NUDT21: variants seen among roughly 807,000 people sequenced by gnomAD.
NUDT21 encodes the protein cleavage and polyadenylation specificity factor subunit 5.
A neutral mutation model predicts 29.8 loss-of-function variants in NUDT21; 5 were observed. The observed-to-expected ratio is 0.17, with a 90% CI of 0.09 to 0.35. The LOEUF (loss-of-function observed/expected upper bound fraction) is 0.35. NUDT21 is among the 10% of genes least tolerant of loss of function. The pLI, the probability that NUDT21 is intolerant of heterozygous loss-of-function variation, is 1.00. For missense variants in NUDT21, 76 were observed against 276.0 expected, an observed-to-expected ratio of 0.28 and a Z score of 5.13; for synonymous variants, 113 against 98.5, an observed-to-expected ratio of 1.15 and a Z score of -0.87.
At chr16:56,442,069 CTAAT>C (rs1218871366) in intron 3 of NUDT21, among the ~76,000 whole-genome samples, 2 of 152,136 alleles carry the variant, frequency 1.3e-5, no homozygotes, top group Non-Finnish European at 1.5e-5. Context: ...CAGCACCAGG[CTAAT>C]TTTTCACCAT....
At chr16:56,450,188 G>A (rs866919034) in intron 1 of NUDT21, among the ~76,000 whole-genome samples, 2 of 152,180 alleles carry the variant, frequency 1.3e-5, no homozygotes, top group Non-Finnish European at 1.5e-5. Flanking sequence ...CTCCATCCTG[G>A]CATAAAATGG....
chr16:56,451,211 G>T lies in NUDT21; in HGVS notation c.-9C>A, dbSNP rs775209504. 1.3e-6 allele frequency: 2 copies of T among 1,583,920 alleles called. No individual in the cohort carries two copies. Among genetic ancestry groups the T allele is most frequent in the Admixed American group, 1.8e-5 (1 of 55,664 alleles). Reference sequence around the variant, plus strand: ...GGCGGTACCACAGACATGCTGGCGAGCTCCGGCGCTGACGGCGAGCAGAAA... The same window carrying T: ...GGCGGTACCACAGACATGCTGGCGATCTCCGGCGCTGACGGCGAGCAGAAA... On this transcript the variant is annotated 5_prime_UTR_variant, in exon 1 of 7. Coordinates refer to ENST00000300291, the MANE Select transcript of NUDT21 (RefSeq NM_007006.3).
At chr16:56,446,567 A>G in intron 3 of NUDT21, 59 bp downstream of exon 3, 1 of 961,728 alleles carries the variant, frequency 1.0e-6, no homozygotes, top group Non-Finnish European at 1.6e-6. Flanking sequence ...TTTACAAGAC[A>G]TTAAAAGCCA....
At chr16:56,442,814 A>T (rs1270385350) in intron 3 of NUDT21, among the ~76,000 whole-genome samples, 2 of 152,094 alleles carry the variant, frequency 1.3e-5, no homozygotes, top group African/African-American at 4.8e-5. Flanking sequence ...CCTACATTCT[A>T]TCTTTTTATC....
At chr16:56,438,865 GA>G (rs1297483757) in intron 4 of NUDT21, among the ~76,000 whole-genome samples, 1 of 151,662 alleles carries the variant, frequency 6.6e-6, no homozygotes, top group Non-Finnish European at 1.5e-5. Flanking sequence ...ATTATAAAAA[GA>G]AAATAGAAAT....
In NUDT21 at chr16:56,439,701, C is replaced by T. The variant is rs2143938348; in HGVS notation, c.427G>A (p.Asp143Asn). The stretch of plus-strand genomic sequence containing the variant: ...GGTCTCCACCAGTTACCAATGCAAT[C>T]GTCAATGACCCAGTCTTGCAAAACT... Reference protein sequence around the residue: ...DGVLQDWVIDDCIGNWWRPNF... With the variant: ...DGVLQDWVIDNCIGNWWRPNF... The change falls in exon 4 of 7, where the codon GAT becomes AAT. Residue 143 changes from aspartate (D) to asparagine (N), a missense_variant. This residue lies in a region of NUDT21 where 27 missense variants were observed against 149.5 expected (regional missense o/e 0.18). Transcript: ENST00000300291. 6.2e-7 allele frequency: 1 copy of T among 1,614,062 alleles called. No individual in the cohort carries two copies. Among genetic ancestry groups the T allele is most frequent in the Middle Eastern group, 1.6e-4 (1 of 6,062 alleles).
At chr16:56,434,994 A>G in intron 4 of NUDT21, 165 bp from the exon 5 acceptor site, 1 of 450,406 alleles carries the variant, frequency 2.2e-6, no homozygotes, top group Admixed American at 4.0e-5. Context: ...GCTTTAATGC[A>G]TATAAAATAA....
In NUDT21 at chr16:56,446,630, G is replaced by A; in HGVS notation, c.377C>T (p.Thr126Ile). 1 of 1,596,046 alleles carries A rather than the reference G, an allele frequency of 6.3e-7. No individual in the cohort carries two copies. The highest frequency in any genetic ancestry group is 8.6e-7 in the Non-Finnish European group (1 of 1,166,480). The change falls in exon 3 of 7, where the codon ACA becomes ATA. Residue 126 changes from threonine (T) to isoleucine (I), a missense_variant. Thr to Ile is a moderately conservative substitution (Grantham distance 89). Transcript: ENST00000300291. The part of the protein sequence containing the change: ...DEVEGLKRLM[T>I]EILGRQDGVL... ...AGTGGTTAAACAGAAAAATACCTCT[G>A]TCATTAAGCGTTTTAGTCCTTCAAC...
At chr16:56,440,242 C>T (rs1250725223) in intron 3 of NUDT21, among the ~76,000 whole-genome samples, 3 of 152,116 alleles carry the variant, frequency 2.0e-5, no homozygotes, top group African/African-American at 4.8e-5. Flanking sequence ...TTACAGAAAA[C>T]TTGCAAAACT....
At chr16:56,443,091 T>A (rs902931917) in intron 3 of NUDT21, among the ~76,000 whole-genome samples, 18 of 151,400 alleles carry the variant, frequency 1.2e-4, no homozygotes, top group African/African-American at 4.3e-4. Flanking sequence ...AGCCTGGTGA[T>A]AGTTGGTTGT....
intron 3 of NUDT21, among the ~76,000 whole-genome samples, chr16:56,444,614 C>CA (rs1962196888): frequency 6.8e-5 from 8 of 116,808 alleles, no homozygotes; most frequent in African/African-American, 1.9e-4. Flanking sequence ...AAAAAAAAAA[C>CA]AAAAACAAAA....
At chr16:56,449,772 A>AT (rs551398156) in intron 1 of NUDT21, among the ~76,000 whole-genome samples, 5 of 152,134 alleles carry the variant, frequency 3.3e-5, no homozygotes, top group South Asian at 2.1e-4. Flanking sequence ...CATTTGATGG[A>AT]TTTTTTCTTA....
intron 4 of NUDT21, among the ~76,000 whole-genome samples, chr16:56,437,489 C>T (rs879833504): frequency 4.6e-5 from 7 of 152,148 alleles, no homozygotes; most frequent in South Asian, 4.1e-4. Flanking sequence ...CCCCACATTA[C>T]GCTACCTCTG....
intron 4 of NUDT21, among the ~76,000 whole-genome samples, chr16:56,438,717 CTACA>C (rs1248642137): frequency 6.6e-6 from 1 of 151,656 alleles, no homozygotes; most frequent in Non-Finnish European, 1.5e-5. Context: ...GGGGAAACAG[CTACA>C]TATTCAACAA....
rs1250460754 is a variant in NUDT21, at chr16:56,430,782, C to T, written c.*1930G>A. On this transcript the variant is annotated 3_prime_UTR_variant, in exon 7 of 7. Coordinates refer to ENST00000300291, the MANE Select transcript of NUDT21 (RefSeq NM_007006.3). The stretch of plus-strand genomic sequence containing the variant: ...TTTACATTCAAAACCAGATCTCTTA[C>T]ATTTCAAGGTTAGTAACCCAGCCAT... 1 of 152,248 alleles carries T rather than the reference C, an allele frequency of 6.6e-6. No homozygotes were observed. The highest frequency in any genetic ancestry group is 1.9e-4 in the East Asian group (1 of 5,206). 9.4% of individuals were successfully genotyped at this position (152,248 alleles called of 1,614,324 possible).
chr16:56,444,926 G>C (rs990850696), intron 3 of NUDT21, among the ~76,000 whole-genome samples: 2 of 152,176 alleles, frequency 1.3e-5, no homozygotes, highest in African/African-American at 4.8e-5. Context: ...GCTCATGCCT[G>C]TAATCCCAGC....
chr16:56,443,613 T>G (rs1191749578), intron 3 of NUDT21, among the ~76,000 whole-genome samples: 1 of 152,248 alleles, frequency 6.6e-6, no homozygotes, highest in African/African-American at 2.4e-5. Flanking sequence ...GTTTGAGTCA[T>G]GCAGGTGGAT....
Position 56,430,506 on chromosome 16 carries a change from C to T in NUDT21, c.*2206G>A, listed in dbSNP as rs1457244571. The T allele has an allele frequency of 1.1e-4, 16 of 152,098 alleles. No homozygotes were observed. Among genetic ancestry groups the T allele is most frequent in the Non-Finnish European group, 7.4e-5 (5 of 68,014 alleles). 9.4% of individuals were successfully genotyped at this position (152,098 alleles called of 1,614,324 possible). A position where few individuals can be genotyped will look rare whatever the true frequency, so the allele number is the denominator to read the frequency against. On this transcript the variant is annotated 3_prime_UTR_variant, in exon 7 of 7. Coordinates refer to ENST00000300291, the MANE Select transcript of NUDT21 (RefSeq NM_007006.3). ...CACTAAAAAATATGGGTCTATTAAT[C>T]AAGAGCCCATTTCAAAATGATAAGA...
rs1190497896 is a variant in NUDT21 at position 56,431,835 on chromosome 16, GCT to G, written c.*875_*876del. The stretch of plus-strand genomic sequence containing the variant: ...CATTATTCCAAAAATATTTTTGAAG[GCT>G]CTGTCATTTGCTAAAACCAAATTTT... On this transcript the variant is annotated 3_prime_UTR_variant, in exon 7 of 7. Transcript: ENST00000300291. 1 of 152,036 alleles carries G rather than the reference GCT, an allele frequency of 6.6e-6. No homozygotes were observed. Among genetic ancestry groups the G allele is most frequent in the African/African-American group, 2.4e-5 (1 of 41,410 alleles). The allele number at this position is 152,036 out of a possible 1,614,324, so 9.4% of individuals were successfully genotyped here. A position where few individuals can be genotyped will look rare whatever the true frequency, so the allele number is the denominator to read the frequency against.
Sources: allele counts gnomAD v4.1 joint callset (sites outside exome capture counted in the v4.1 genomes callset), GRCh38; gene constraint gnomAD v4.1.1; regional missense constraint gnomAD v4.1.1; transcripts MANE v1.5; gene names NCBI Gene and HGNC (gene_info 2026-07-23, HGNC 2026-07-21).